The following C1QTNF3 variants were observed in gnomAD, a reference collection of about 807,000 sequenced individuals.
The protein encoded by C1QTNF3 is complement C1q tumor necrosis factor-related protein 3.
A neutral mutation model predicts 32.6 loss-of-function variants in C1QTNF3; 26 were observed. The ratio of observed to expected loss-of-function variants is 0.80; its 90% confidence interval spans 0.58 to 1.11. C1QTNF3 has a LOEUF of 1.11. C1QTNF3 is among the 50% of genes least tolerant of loss of function. C1QTNF3 has a pLI of 0.00. For synonymous variants in C1QTNF3, 155 were observed against 146.0 expected, an observed-to-expected ratio of 1.06 and a Z score of -0.44; for missense variants, 362 against 398.2, an observed-to-expected ratio of 0.91 and a Z score of 0.77.
the C1QTNF3 span, among the ~76,000 whole-genome samples, chr5:34,076,541 C>A: frequency 6.6e-6 from 1 of 151,308 alleles, no homozygotes; most frequent in African/African-American, 2.5e-5. Flanking sequence ...AAACTTGGCT[C>A]TCCAATAAAA....
the C1QTNF3 span, among the ~76,000 whole-genome samples, chr5:34,216,377 T>C: frequency 1.3e-5 from 2 of 152,248 alleles, no homozygotes; most frequent in African/African-American, 4.8e-5. Context: ...TTGCTGGTTG[T>C]GTTGCAACTC....
At chr5:34,177,562 C>A in the C1QTNF3 span, among the ~76,000 whole-genome samples, 1 of 147,710 alleles carries the variant, frequency 6.8e-6, no homozygotes, top group Non-Finnish European at 1.5e-5. Context: ...TCTCGGCTCA[C>A]TGCAACCTCC....
chr5:34,092,228 T>A, the C1QTNF3 span, among the ~76,000 whole-genome samples: 1 of 151,996 alleles, frequency 6.6e-6, no homozygotes, highest in South Asian at 2.1e-4. Context: ...TTGAGAAGAA[T>A]ATTTGATGTA....
chr5:34,066,040 C>CT, the C1QTNF3 span, among the ~76,000 whole-genome samples: 1 of 152,172 alleles, frequency 6.6e-6, no homozygotes, highest in Non-Finnish European at 1.5e-5. Flanking sequence ...TATGTATGCT[C>CT]TTTTGAGGTG....
chr5:34,243,161 C>T, the C1QTNF3 span, among the ~76,000 whole-genome samples: 127 of 152,214 alleles, frequency 8.3e-4, no homozygotes, highest in African/African-American at 3.0e-3. Flanking sequence ...GCAAAGGACA[C>T]GAACAGATAT....
At chr5:34,034,195 A>G (rs945709347) in intron 2 of C1QTNF3, among the ~76,000 whole-genome samples, 4 of 152,236 alleles carry the variant, frequency 2.6e-5, no homozygotes, top group African/African-American at 9.6e-5. Flanking sequence ...AGTAAATAGA[A>G]ATAACATGAT....
the C1QTNF3 span, among the ~76,000 whole-genome samples, chr5:34,222,642 A>G: frequency 6.6e-6 from 1 of 152,098 alleles, no homozygotes; most frequent in Non-Finnish European, 1.5e-5. Context: ...CCTTAAAAGT[A>G]TATGCAATGA....
the C1QTNF3 span, among the ~76,000 whole-genome samples, chr5:34,147,664 G>C: frequency 6.6e-6 from 1 of 151,958 alleles, no homozygotes; most frequent in East Asian, 1.9e-4. Context: ...TGGACTACTA[G>C]ATGGGGTAGA....
the C1QTNF3 span, among the ~76,000 whole-genome samples, chr5:34,127,709 T>C: frequency 6.6e-6 from 1 of 151,656 alleles, no homozygotes; most frequent in Non-Finnish European, 1.5e-5. Flanking sequence ...TGCCTCAGCC[T>C]CTCAAGTAGC....
the C1QTNF3 span, chr5:34,167,299 T>C: frequency 2.0e-5 from 3 of 152,336 alleles, no homozygotes; most frequent in African/African-American, 4.8e-5. Flanking sequence ...CTTCAACTTA[T>C]GTACAGCTTT....
intron 1 of C1QTNF3, among the ~76,000 whole-genome samples, chr5:34,036,590 CAACTTT>C (rs140561148): frequency 0.017 from 2,586 of 152,270 alleles, 75 homozygotes; most frequent in African/African-American, 0.059. Flanking sequence ...CATCTTGAAA[CAACTTT>C]AACTTTATCA....
the C1QTNF3 span, among the ~76,000 whole-genome samples, chr5:34,221,370 A>G: frequency 6.6e-6 from 1 of 152,100 alleles, no homozygotes; most frequent in African/African-American, 2.4e-5. Context: ...CAAATCATTT[A>G]ATTTTATTGT....
intron 4 of C1QTNF3, 111 bp downstream of exon 4, chr5:34,028,643 T>G: frequency 5.2e-6 from 5 of 963,176 alleles, no homozygotes; most frequent in Non-Finnish European, 7.2e-6. Context: ...CCTTCCTCCT[T>G]CTTTCTCTCC....
At chr5:34,157,894 A>C in the C1QTNF3 span, among the ~76,000 whole-genome samples, 6 of 152,282 alleles carry the variant, frequency 3.9e-5, no homozygotes, top group East Asian at 1.2e-3. Flanking sequence ...GTGGTAATTC[A>C]ATACTTCAGC....
chr5:34,144,696 A>G, the C1QTNF3 span, among the ~76,000 whole-genome samples: 17 of 152,242 alleles, frequency 1.1e-4, no homozygotes, highest in African/African-American at 4.1e-4. Flanking sequence ...AGAGAACATC[A>G]AAATTAAGGC....
chr5:34,121,401 G>T, the C1QTNF3 span, among the ~76,000 whole-genome samples: 1 of 152,128 alleles, frequency 6.6e-6, no homozygotes, highest in Non-Finnish European at 1.5e-5. Context: ...GGCTAGGGAG[G>T]CCTCAGAATC....
At chr5:34,177,774 A>G in the C1QTNF3 span, among the ~76,000 whole-genome samples, 1 of 151,756 alleles carries the variant, frequency 6.6e-6, no homozygotes, top group Admixed American at 6.6e-5. Context: ...GGCGTCAGCC[A>G]CTGCACCCAG....
At chr5:34,144,926 G>C in the C1QTNF3 span, among the ~76,000 whole-genome samples, 5 of 152,084 alleles carry the variant, frequency 3.3e-5, no homozygotes, top group African/African-American at 1.2e-4. Context: ...TCAGGAGTTT[G>C]ATACCAGCCT....
At chr5:34,137,788 A>G in the C1QTNF3 span, among the ~76,000 whole-genome samples, 1 of 152,206 alleles carries the variant, frequency 6.6e-6, no homozygotes, top group South Asian at 2.1e-4. Flanking sequence ...TTTTCTATTA[A>G]GTAAAGGAAG....
Sources: allele counts gnomAD v4.1 joint callset (sites outside exome capture counted in the v4.1 genomes callset), GRCh38; gene constraint gnomAD v4.1.1; transcripts MANE v1.5; gene names NCBI Gene and HGNC (gene_info 2026-07-23, HGNC 2026-07-21).